Variants in TNFRSF11B observed in about 807,000 individuals in gnomAD.
The protein encoded by TNFRSF11B is TNF receptor superfamily member 11b, also known as tumor necrosis factor receptor superfamily member 11B.
TNFRSF11B carries 16 observed loss-of-function variants against 43.4 expected under a neutral mutation model. The ratio of observed to expected loss-of-function variants is 0.37; its 90% CI spans 0.25 to 0.56. TNFRSF11B has a LOEUF of 0.56. Among genes scored for constraint, TNFRSF11B ranks in the 20% least tolerant of loss-of-function variants. The probability of loss-of-function intolerance (pLI) is 0.80; values close to 1 mark genes in which losing one functional copy is unlikely to be tolerated. For missense variants in TNFRSF11B, 444 were observed against 490.1 expected (o/e 0.91, Z 0.89); for synonymous variants, 185 against 181.8 (o/e 1.02, Z -0.14).
chr8:118,924,303 G>T lies in TNFRSF11B; in HGVS notation c.*71C>A. On this transcript the variant is annotated 3_prime_UTR_variant, in exon 5 of 5. Transcript: ENST00000297350. Reference sequence around the variant, plus strand: ...AAAGATATCACTGAAAGCCTCAAGTGCCTGAGAAACAGTTTACTCATCCAT... The same window carrying T: ...AAAGATATCACTGAAAGCCTCAAGTTCCTGAGAAACAGTTTACTCATCCAT... 3 of 1,564,346 alleles carry T rather than the reference G, an allele frequency of 1.9e-6. No individual in the cohort carries two copies. Among genetic ancestry groups the T allele is most frequent in the Non-Finnish European group, 2.6e-6 (3 of 1,138,910 alleles).
intron 2 of TNFRSF11B, chr8:118,930,834 A>G (rs1812318494): frequency 2.4e-6 from 1 of 413,322 alleles, no homozygotes; most frequent in Non-Finnish European, 5.0e-6. Flanking sequence ...GTTATTTAAC[A>G]AAAAGAATCT....
chr8:118,926,408 TA>T, intron 4 of TNFRSF11B, 85 bp downstream of exon 4: 1 of 1,243,962 alleles, frequency 8.0e-7, no homozygotes, highest in Non-Finnish European at 1.2e-6. Context: ...TCCACACAAC[TA>T]AACATACATG....
intron 3 of TNFRSF11B, among the ~76,000 whole-genome samples, chr8:118,927,877 A>T (rs1812268249): frequency 6.6e-6 from 1 of 152,190 alleles, no homozygotes; most frequent in Admixed American, 6.5e-5. Context: ...CTACCGTGGA[A>T]TGCATTCGAA....
chr8:118,942,053 T>C (rs1001327209), intron 1 of TNFRSF11B, among the ~76,000 whole-genome samples: 1 of 152,184 alleles, frequency 6.6e-6, no homozygotes, highest in Admixed American at 6.5e-5. Context: ...TGTTTTTGTA[T>C]GTTGATATTT....
chr8:118,930,421 C>T (rs145862256), intron 2 of TNFRSF11B: 12 of 153,714 alleles, frequency 7.8e-5, no homozygotes, highest in Middle Eastern at 3.3e-3. Flanking sequence ...AAGGCGGGGG[C>T]GGCGGCAGGG....
At chr8:118,939,370 A>T (rs184905444) in intron 1 of TNFRSF11B, among the ~76,000 whole-genome samples, 116 of 152,290 alleles carry the variant, frequency 7.6e-4, no homozygotes, top group African/African-American at 2.6e-3. Flanking sequence ...GCATCCAAAA[A>T]CCCATTCTGA....
intron 3 of TNFRSF11B, among the ~76,000 whole-genome samples, chr8:118,928,144 C>A (rs1812272195): frequency 1.3e-5 from 2 of 151,962 alleles, no homozygotes; most frequent in Admixed American, 1.3e-4. Context: ...CTGCCTCAGC[C>A]CTGAGTAGCT....
chr8:118,944,594 G>T (rs972737945), intron 1 of TNFRSF11B, among the ~76,000 whole-genome samples: 1 of 152,046 alleles, frequency 6.6e-6, no homozygotes. Flanking sequence ...ATTTATTTTA[G>T]CACAATCTAG....
chr8:118,934,231 G>A (rs956322109), intron 1 of TNFRSF11B, among the ~76,000 whole-genome samples: 1 of 152,160 alleles, frequency 6.6e-6, no homozygotes, highest in Non-Finnish European at 1.5e-5. Context: ...TAGGTTGAAT[G>A]CCTACTAGGT....
chr8:118,925,617 T>C (rs1009762871), intron 4 of TNFRSF11B, among the ~76,000 whole-genome samples: 2 of 152,258 alleles, frequency 1.3e-5, no homozygotes, highest in African/African-American at 4.8e-5. Flanking sequence ...CGGTTTCAGA[T>C]ACTTGAAGTT....
intron 1 of TNFRSF11B, among the ~76,000 whole-genome samples, chr8:118,936,838 C>T (rs537669296): frequency 3.3e-5 from 5 of 152,210 alleles, no homozygotes; most frequent in Admixed American, 2.6e-4. Flanking sequence ...CAAAAGCCTA[C>T]TCTATTTTTT....
chr8:118,923,747 T>C lies in TNFRSF11B; in HGVS notation c.*627A>G, dbSNP rs1812211105. The C allele has an allele frequency of 6.6e-6, 1 of 152,496 alleles. No homozygotes were observed. 9.4% of individuals were successfully genotyped at this position (152,496 alleles called of 1,614,324 possible). On this transcript the variant is annotated 3_prime_UTR_variant, in exon 5 of 5. Coordinates refer to ENST00000297350, the MANE Select transcript of TNFRSF11B (RefSeq NM_002546.4). ...AAAATGATATTACAGCTTATACAGA[T>C]AAAATTATAAAAATACTCCACACAG...
intron 1 of TNFRSF11B, among the ~76,000 whole-genome samples, chr8:118,937,993 G>A (rs1019088352): frequency 9.9e-5 from 15 of 152,120 alleles, no homozygotes; most frequent in Admixed American, 9.8e-4. Flanking sequence ...TTTATTAAAT[G>A]CGCTAACTGA....
chr8:118,949,101 C>T (rs1444973585), intron 1 of TNFRSF11B, among the ~76,000 whole-genome samples: 5 of 152,122 alleles, frequency 3.3e-5, no homozygotes, highest in Admixed American at 3.3e-4. Flanking sequence ...CATTAAGGAA[C>T]ATTCCAGGAA....
In TNFRSF11B at chr8:118,924,460, T is replaced by A. The variant is rs1812221532; in HGVS notation, c.1120A>T (p.Ser374Cys). Residue 374 changes from serine to cysteine, a missense_variant, in exon 5 of 5, where the codon AGC (serine) becomes TGC (cysteine). Physicochemically the swap from Ser to Cys is moderately radical, Grantham distance 112. Coordinates refer to ENST00000297350, the MANE Select transcript of TNFRSF11B (RefSeq NM_002546.4). The stretch of plus-strand genomic sequence containing the variant: ...TGATACAATTTGTACATTGTGAAGC[T>A]GTGAAGGAACCTGATGGTCTTCTTT... Reference protein sequence around the residue: ...SLKKTIRFLHSFTMYKLYQKL... With the variant: ...SLKKTIRFLHCFTMYKLYQKL... 4 of 1,614,132 alleles carry A rather than the reference T, an allele frequency of 2.5e-6. No individual in the cohort carries two copies. The highest frequency in any genetic ancestry group is 3.4e-6 in the Non-Finnish European group (4 of 1,179,974).
intron 2 of TNFRSF11B, 77 bp from the exon 3 acceptor site, chr8:118,929,006 G>A: frequency 7.2e-7 from 1 of 1,391,304 alleles, no homozygotes; most frequent in South Asian, 1.2e-5. Flanking sequence ...CACAGTTTTG[G>A]AAAGACTTTT....
chr8:118,935,321 A>G (rs1812387273), intron 1 of TNFRSF11B, among the ~76,000 whole-genome samples: 1 of 152,160 alleles, frequency 6.6e-6, no homozygotes, highest in Non-Finnish European at 1.5e-5. Flanking sequence ...TCTTCATTCA[A>G]CACACACTCC....
intron 1 of TNFRSF11B, 132 bp downstream of exon 1, chr8:118,951,660 G>C (rs939537203): frequency 1.0e-5 from 9 of 899,870 alleles, no homozygotes; most frequent in Non-Finnish European, 1.6e-5. Flanking sequence ...TCCTGCTCCA[G>C]CCTAACCCCA....
At chr8:118,942,951 G>A (rs566307136) in intron 1 of TNFRSF11B, among the ~76,000 whole-genome samples, 3 of 151,966 alleles carry the variant, frequency 2.0e-5, no homozygotes, top group East Asian at 1.9e-4. Flanking sequence ...TTGACCATCC[G>A]TCTGTCCACC....
Sources: gnomAD v4.1 joint callset for allele counts (sites outside exome capture counted in the v4.1 genomes callset) on GRCh38, gnomAD v4.1.1 for gene constraint, MANE v1.5 for transcripts, NCBI Gene and HGNC (gene_info 2026-07-23, HGNC 2026-07-21) for gene names.